Variants in NRIP1 observed in about 807,000 individuals in gnomAD.
The protein encoded by NRIP1 is nuclear receptor-interacting protein 1.
Under a neutral mutation model 75.0 loss-of-function variants are expected in NRIP1, and 28 were observed. The observed-to-expected ratio is 0.37, with a 90% CI of 0.28 to 0.51. The LOEUF is 0.51. NRIP1 is among the 20% of genes least tolerant of loss of function. The pLI is 0.92. For synonymous variants in NRIP1, 526 were observed against 487.6 expected (o/e 1.08, Z -1.04); for missense variants, 1,435 against 1,343.7 (o/e 1.07, Z -1.06).
chr21:14,967,247 G>T lies in NRIP1; in HGVS notation c.946C>A (p.Gln316Lys). The T allele has an allele frequency of 6.2e-7, 1 of 1,613,904 alleles. No individual in the cohort carries two copies. The highest frequency in any genetic ancestry group is 8.5e-7 in the Non-Finnish European group (1 of 1,179,954). The change falls in exon 4 of 4, where the codon CAG (glutamine) becomes AAG (lysine). Residue 316 changes from glutamine (Q) to lysine (K), a missense_variant. Transcript: ENST00000318948. ...ENGQKDVGSY[Q>K]LPKGMSSHLN... ...TGGCTTGACATTCCTTTTGGGAGCT[G>T]GTAACTGCCAACATCCTTCTGGCCA...
chr21:15,053,406 T>C (rs1373154964), intron 1 of NRIP1, among the ~76,000 whole-genome samples: 1 of 152,204 alleles, frequency 6.6e-6, no homozygotes, highest in Non-Finnish European at 1.5e-5. Flanking sequence ...GGAACTTTAG[T>C]TTTATTCACC....
rs1383670822 is a variant in NRIP1 at position 15,008,916 on chromosome 21, G to GT, written c.-335+5427dup. ...CTATATACATGGAATGCATCCTTGT[G>GT]TAACTCTTGTTTTAAATTTTTTCTC... On this transcript the variant is annotated intron_variant, in intron 3 of 3. Transcript: ENST00000318948. Among the ~76,000 whole-genome samples, 5 of 152,160 alleles carry GT rather than the reference G, an allele frequency of 3.3e-5. No individual in the cohort carries two copies. In the South Asian group the frequency reaches 1.0e-3, roughly 32 times the overall value.
Position 15,049,038 on chromosome 21 carries a change from T to C in NRIP1, c.-537-5464A>G, listed in dbSNP as rs141305982. Among the ~76,000 whole-genome samples the C allele has an allele frequency of 7.2e-3, 1,103 of 152,286 alleles. 10 individuals carry two copies. The highest frequency in any genetic ancestry group is 0.025 in the African/African-American group (1,031 of 41,562). On this transcript the variant is annotated intron_variant, in intron 1 of 3. Coordinates refer to ENST00000318948, the MANE Select transcript of NRIP1 (RefSeq NM_003489.4). The stretch of plus-strand genomic sequence containing the variant: ...AATATATATTTGAATAAGTCCATCA[T>C]ATATTATGGCTTTCTTCTTAAAATT...
In NRIP1 at chr21:14,965,092, G is replaced by A. The variant is rs2086691530; in HGVS notation, c.3101C>T (p.Ser1034Phe). 6.2e-7 allele frequency: 1 copy of A among 1,613,270 alleles called. No individual in the cohort carries two copies. Among genetic ancestry groups the A allele is most frequent in the African/African-American group, 1.3e-5 (1 of 74,844 alleles). Residue 1034 changes from serine (S) to phenylalanine (F), a missense_variant, in exon 4 of 4, where the codon TCC becomes TTC. Transcript: ENST00000318948. Reference protein sequence around the residue: ...RPESGLLNGCSMPSEKGPIKW... With the variant: ...RPESGLLNGCFMPSEKGPIKW... The stretch of plus-strand genomic sequence containing the variant: ...AATGGGTCCTTTCTCACTGGGCATG[G>A]AACACCCATTCAAAAGCCCAGATTC...
upstream of NRIP1, chr21:15,065,877 AAGG>A (rs1349953692): frequency 2.6e-5 from 4 of 152,248 alleles, no homozygotes; most frequent in African/African-American, 9.7e-5. Context: ...GACAAGGGAA[AAGG>A]AGCAGGGCTG....
In NRIP1 at chr21:14,963,598, T is replaced by C. The variant is rs2086646586; in HGVS notation, c.*1118A>G. On this transcript the variant is annotated 3_prime_UTR_variant, in exon 4 of 4. Transcript: ENST00000318948. The stretch of plus-strand genomic sequence containing the variant: ...GTTTTTGTTTTACAGTCTCATGTTC[T>C]GAGGAAAGTCATAAGTCATGGTTCT... The C allele has an allele frequency of 6.6e-6, 1 of 152,280 alleles. No individual in the cohort carries two copies. Among genetic ancestry groups the C allele is most frequent in the Non-Finnish European group, 1.5e-5 (1 of 68,006 alleles). The allele number at this position is 152,280 out of a possible 1,614,324, so 9.4% of individuals were successfully genotyped here. A position where few individuals can be genotyped will look rare whatever the true frequency, so the allele number is the denominator to read the frequency against.
chr21:14,997,171 G>A (rs575462257), intron 3 of NRIP1, among the ~76,000 whole-genome samples: 46 of 151,904 alleles, frequency 3.0e-4, no homozygotes, highest in African/African-American at 1.1e-3. Context: ...ACAATTAAAG[G>A]GAGAAAAAAG....
At chr21:14,995,790 T>C (rs923285057) in intron 3 of NRIP1, among the ~76,000 whole-genome samples, 10 of 152,216 alleles carry the variant, frequency 6.6e-5, no homozygotes, top group Middle Eastern at 3.4e-3. Flanking sequence ...TGTGTGTGTA[T>C]TACTGTACTC....
At chr21:14,974,812 G>C (rs144501516) in intron 3 of NRIP1, among the ~76,000 whole-genome samples, 35 of 152,214 alleles carry the variant, frequency 2.3e-4, no homozygotes, top group African/African-American at 7.9e-4. Flanking sequence ...CCCTGTGTTT[G>C]AGAAAATTCA....
chr21:14,964,974 T>C lies in NRIP1; in HGVS notation c.3219A>G (p.Gln1073=). 7 of 1,613,866 alleles carry C rather than the reference T, an allele frequency of 4.3e-6. No homozygotes were observed. In the East Asian group the frequency reaches 8.9e-5, roughly 21 times the overall value. Residue 1073 remains glutamine (Q), a synonymous_variant, in exon 4 of 4, where the codon CAA becomes CAG. Transcript: ENST00000318948. ...KTNPILYYML[Q]KGGNSVTSRE... Reference sequence around the variant, plus strand: ...GACTGGTAACAGAATTGCCTCCTTTTTGAAGCATGTAATATAGTATTGGGT... The same window carrying C: ...GACTGGTAACAGAATTGCCTCCTTTCTGAAGCATGTAATATAGTATTGGGT...
chr21:15,046,657 T>A (rs936402213), intron 1 of NRIP1, among the ~76,000 whole-genome samples: 1 of 152,228 alleles, frequency 6.6e-6, no homozygotes, highest in African/African-American at 2.4e-5. Flanking sequence ...GTTTCTCCTC[T>A]CTAGCTATTA....
In NRIP1 at chr21:14,966,197, T is replaced by A; in HGVS notation, c.1996A>T (p.Ile666Phe). 1.2e-6 allele frequency: 2 copies of A among 1,613,860 alleles called. No homozygotes were observed. The highest frequency in any genetic ancestry group is 1.7e-6 in the Non-Finnish European group (2 of 1,179,932). The change falls in exon 4 of 4, where the codon ATT becomes TTT. Residue 666 changes from isoleucine (I) to phenylalanine (F), a missense_variant. Coordinates refer to ENST00000318948, the MANE Select transcript of NRIP1 (RefSeq NM_003489.4). ...AGCAAAGGGCTATTTAATCTATCAA[T>A]CATACCTATCGGTTTATCTGTGTTT... ...TGNTDKPIGM[I>F]DRLNSPLLSN...
intron 3 of NRIP1, among the ~76,000 whole-genome samples, chr21:14,996,725 A>T (rs1477636825): frequency 6.6e-6 from 1 of 152,104 alleles, no homozygotes; most frequent in African/African-American, 2.4e-5. Flanking sequence ...GAGATACCGA[A>T]TTTTTGCTAA....
At chr21:15,064,501 G>T (rs894235791) in intron 1 of NRIP1, among the ~76,000 whole-genome samples, 2 of 151,968 alleles carry the variant, frequency 1.3e-5, no homozygotes, top group Non-Finnish European at 2.9e-5. Context: ...TGGCACGGAC[G>T]GGCGGGCCGA....
intron 3 of NRIP1, among the ~76,000 whole-genome samples, chr21:14,994,187 C>T (rs900953898): frequency 3.3e-5 from 5 of 152,054 alleles, no homozygotes; most frequent in African/African-American, 1.2e-4. Context: ...TGCAGTGGTA[C>T]GATCTCAGCT....
intron 2 of NRIP1, among the ~76,000 whole-genome samples, chr21:15,018,207 TGTG>T (rs2088281585): frequency 1.3e-5 from 2 of 152,202 alleles, no homozygotes; most frequent in Non-Finnish European, 2.9e-5. Flanking sequence ...TATTTAATAA[TGTG>T]GTAAAATTAT....
At chr21:15,006,648 C>T (rs2087979451) in intron 3 of NRIP1, among the ~76,000 whole-genome samples, 1 of 151,962 alleles carries the variant, frequency 6.6e-6, no homozygotes. Context: ...CAAATTATTC[C>T]CTTTTAAAAA....
chr21:14,987,321 C>T (rs1453494933), intron 3 of NRIP1, among the ~76,000 whole-genome samples: 1 of 152,198 alleles, frequency 6.6e-6, no homozygotes, highest in African/African-American at 2.4e-5. Flanking sequence ...GAGTTCCTTG[C>T]GTAACTCCAA....
At chr21:15,058,726 C>T (rs1220877287) in intron 1 of NRIP1, among the ~76,000 whole-genome samples, 2 of 152,050 alleles carry the variant, frequency 1.3e-5, no homozygotes, top group Non-Finnish European at 2.9e-5. Flanking sequence ...TAATGAAATG[C>T]TTTTTTAAAG....
Sources: gnomAD v4.1 joint callset for allele counts (sites outside exome capture counted in the v4.1 genomes callset) on GRCh38, gnomAD v4.1.1 for gene constraint, MANE v1.5 for transcripts, NCBI Gene and HGNC (gene_info 2026-07-23, HGNC 2026-07-21) for gene names.